PIR: variants seen among roughly 807,000 people sequenced by gnomAD.
PIR encodes pirin.
A neutral mutation model predicts 24.2 loss-of-function variants in PIR; 22 were observed. The ratio of observed to expected loss-of-function variants is 0.91; its 90% CI spans 0.65 to 1.30. The LOEUF (loss-of-function observed/expected upper bound fraction) is 1.30, where lower values mean the gene tolerates loss of function less well. Among genes scored for constraint, PIR ranks in the 50% most tolerant of loss-of-function variants. PIR has a pLI of 0.00. For missense variants in PIR, 220 were observed against 220.3 expected, an observed-to-expected ratio of 1.00 and a Z score of 0.01; for synonymous variants, 80 against 79.6, an observed-to-expected ratio of 1.00 and a Z score of -0.03.
chrX:15,460,847 T>C lies in PIR; in HGVS notation c.190-1107A>G, dbSNP rs576265048. ...TTTTTATTTGCCAACTGTACCTCAA[T>C]GAAGCTTGAAAAAAAGGAAAAAGAA... is the stretch of plus-strand genomic sequence containing the variant. On this transcript the variant is annotated intron_variant, in intron 3 of 9. Coordinates refer to ENST00000380420, the MANE Select transcript of PIR (RefSeq NM_001018109.3). Among the ~76,000 whole-genome samples, 36 of 111,341 alleles carry C rather than the reference T, an allele frequency of 3.2e-4. No individual in the cohort carries two copies. In the South Asian group the frequency reaches 0.013, roughly 40 times the overall value.
chrX:15,452,200 G>A (rs1920972811), intron 5 of PIR, among the ~76,000 whole-genome samples: 1 of 111,965 alleles, frequency 8.9e-6, no homozygotes, highest in Admixed American at 9.5e-5. Flanking sequence ...AAAGAACTGT[G>A]TTCCAAAGAG....
intron 2 of PIR, among the ~76,000 whole-genome samples, chrX:15,489,050 A>G (rs1923024143): frequency 1.8e-5 from 2 of 112,157 alleles, no homozygotes; most frequent in Admixed American, 1.9e-4. Flanking sequence ...AACTTCTTCA[A>G]TTATGAATGT....
chrX:15,393,723 A>G (rs910827008), intron 8 of PIR, among the ~76,000 whole-genome samples: 1 of 108,306 alleles, frequency 9.2e-6, no homozygotes, highest in East Asian at 2.9e-4. Flanking sequence ...ATGATCTGTC[A>G]CTGTCTCCCA....
At chrX:15,396,573 A>G (rs1194004510) in intron 8 of PIR, among the ~76,000 whole-genome samples, 1 of 111,713 alleles carries the variant, frequency 9.0e-6, no homozygotes, top group Non-Finnish European at 1.9e-5. Flanking sequence ...CAACATGGTG[A>G]CTGAATTACT....
chrX:15,470,004 T>C (rs1309240606), intron 3 of PIR, among the ~76,000 whole-genome samples: 1 of 112,049 alleles, frequency 8.9e-6, no homozygotes, highest in Non-Finnish European at 1.9e-5. Context: ...TTTCTAATGG[T>C]ATTAAAAATC....
chrX:15,462,771 T>C (rs770673866), intron 3 of PIR, among the ~76,000 whole-genome samples: 84 of 112,344 alleles, frequency 7.5e-4, no homozygotes, highest in African/African-American at 2.7e-3. Flanking sequence ...TCATAAGATA[T>C]CAATTCAAAT....
chrX:15,484,312 T>C (rs867365629), intron 2 of PIR, among the ~76,000 whole-genome samples: 30,712 of 74,270 alleles, frequency 0.41, 4,416 homozygotes, highest in African/African-American at 0.49. Context: ...TTTTCTTTTT[T>C]TTTTTTTTTT....
intron 5 of PIR, among the ~76,000 whole-genome samples, chrX:15,427,115 C>T (rs146799392): frequency 4.3e-4 from 48 of 111,869 alleles, no homozygotes; most frequent in Non-Finnish European, 6.4e-4. Context: ...AAGACAGACA[C>T]AGAAGATCAT....
intron 8 of PIR, among the ~76,000 whole-genome samples, chrX:15,394,572 C>T (rs1486852794): frequency 9.0e-6 from 1 of 111,338 alleles, no homozygotes; most frequent in Non-Finnish European, 1.9e-5. Context: ...CCACTATAAA[C>T]ATAAGCCTAA....
intron 9 of PIR, among the ~76,000 whole-genome samples, chrX:15,385,661 G>A (rs755057638): frequency 8.9e-6 from 1 of 111,982 alleles, no homozygotes; most frequent in Non-Finnish European, 1.9e-5. Flanking sequence ...AGTTTTCTAG[G>A]GGTTGGCAAA....
intron 5 of PIR, among the ~76,000 whole-genome samples, chrX:15,435,550 T>C (rs1453662654): frequency 8.9e-6 from 1 of 111,995 alleles, no homozygotes; most frequent in Non-Finnish European, 1.9e-5. Context: ...ACTAATAGAG[T>C]AAGATCTACT....
At chrX:15,490,828 T>G (rs1368575764) in intron 2 of PIR, among the ~76,000 whole-genome samples, 2 of 111,695 alleles carry the variant, frequency 1.8e-5, no homozygotes, top group African/African-American at 6.5e-5. Flanking sequence ...TGTGGGCAAA[T>G]AAACTTAGGG....
intron 2 of PIR, among the ~76,000 whole-genome samples, chrX:15,483,820 G>A (rs778200960): frequency 1.8e-5 from 2 of 112,336 alleles, no homozygotes; most frequent in East Asian, 5.6e-4. Context: ...TAGATGGGTG[G>A]TATCTATTAT....
intron 6 of PIR, among the ~76,000 whole-genome samples, chrX:15,419,469 A>G (rs1431841000): frequency 9.1e-6 from 1 of 110,040 alleles, no homozygotes. Context: ...CACTATAACT[A>G]AAAGTGATGT....
intron 2 of PIR, among the ~76,000 whole-genome samples, chrX:15,480,583 A>G (rs1316814690): frequency 8.9e-6 from 1 of 112,084 alleles, no homozygotes; most frequent in African/African-American, 3.2e-5. Flanking sequence ...CACATATGAG[A>G]GTGGGAAGGG....
intron 2 of PIR, among the ~76,000 whole-genome samples, chrX:15,488,278 C>CA (rs1184870069): frequency 0.025 from 790 of 31,788 alleles, 15 homozygotes; most frequent in African/African-American, 0.044. Flanking sequence ...AACTCCGTCT[C>CA]AAAAAAAAAA....
chrX:15,433,314 T>C, intron 5 of PIR, among the ~76,000 whole-genome samples: 1 of 109,702 alleles, frequency 9.1e-6, no homozygotes, highest in Non-Finnish European at 1.9e-5. Context: ...GAAAGGAAAC[T>C]GAGAAGGAGC....
chrX:15,443,446 T>C (rs1165171925), intron 5 of PIR, among the ~76,000 whole-genome samples: 1 of 111,585 alleles, frequency 9.0e-6, no homozygotes, highest in East Asian at 2.8e-4. Flanking sequence ...AACTTTCAAG[T>C]CTTATTATTT....
intron 6 of PIR, among the ~76,000 whole-genome samples, chrX:15,409,919 T>C (rs771810760): frequency 1.3e-4 from 15 of 111,293 alleles, no homozygotes; most frequent in Non-Finnish European, 2.8e-4. Context: ...TTTCAGTTTT[T>C]TTTTTCTTTT....
Sources: gnomAD v4.1 joint callset for allele counts (sites outside exome capture counted in the v4.1 genomes callset) on GRCh38, gnomAD v4.1.1 for gene constraint, MANE v1.5 for transcripts, NCBI Gene and HGNC (gene_info 2026-07-23, HGNC 2026-07-21) for gene names.